RAP1GAP2: variants seen among roughly 807,000 people sequenced by gnomAD.
RAP1GAP2 encodes RAP1 GTPase activating protein 2.
In RAP1GAP2, 27 loss-of-function variants were observed where a neutral mutation model predicts 95.0. The ratio of observed to expected loss-of-function variants is 0.28; its 90% CI spans 0.21 to 0.39. The LOEUF (loss-of-function observed/expected upper bound fraction) is 0.39. Ranked by LOEUF, RAP1GAP2 falls within the 10% of genes least tolerant of loss-of-function variation. The pLI is 1.00. For synonymous variants in RAP1GAP2, 373 were observed against 380.9 expected, an observed-to-expected ratio of 0.98 and a Z score of 0.24; for missense variants, 771 against 970.0, an observed-to-expected ratio of 0.79 and a Z score of 2.72.
chr17:2,878,844 C>T (rs188709809), intron 2 of RAP1GAP2, among the ~76,000 whole-genome samples: 5 of 152,340 alleles, frequency 3.3e-5, no homozygotes, highest in South Asian at 2.1e-4. Context: ...TTGGTAGCTG[C>T]GTGAGCACGC....
chr17:2,996,645 G>A (rs544119942), intron 13 of RAP1GAP2, among the ~76,000 whole-genome samples: 1 of 152,342 alleles, frequency 6.6e-6, no homozygotes, highest in East Asian at 1.9e-4. Flanking sequence ...TCTCTCACCT[G>A]CTGCCCCGGC....
At chr17:2,980,227 G>T (rs1411534413) in intron 8 of RAP1GAP2, 60 bp from the exon 9 acceptor site, 1 of 1,549,472 alleles carries the variant, frequency 6.5e-7, no homozygotes, top group Non-Finnish European at 8.9e-7. Flanking sequence ...ACAGGCACGA[G>T]TCCCCGCGCC....
chr17:2,952,809 GTTT>G (rs146207427), intron 3 of RAP1GAP2, among the ~76,000 whole-genome samples: 4 of 148,856 alleles, frequency 2.7e-5, no homozygotes, highest in Non-Finnish European at 6.0e-5. Flanking sequence ...ACATTTTTCT[GTTT>G]TTTTTTTCTT....
In RAP1GAP2 at chr17:2,762,948, C is replaced by G. The variant is rs1051652828; in HGVS notation, c.50+7181C>G. On this transcript the variant is annotated intron_variant, in intron 1 of 25. Transcript: ENST00000637138. ...ACCTCAGCCTCTGAAAGTACTGGGA[C>G]TACAGGTGTGAGCCACCACACCCAG... Among the ~76,000 whole-genome samples, 12 of 152,074 alleles carry G rather than the reference C, an allele frequency of 7.9e-5. No individual in the cohort carries two copies. In the East Asian group the frequency reaches 2.3e-3, roughly 29 times the overall value.
intron 3 of RAP1GAP2, among the ~76,000 whole-genome samples, chr17:2,923,432 AG>A (rs1048330628): frequency 1.3e-5 from 2 of 151,228 alleles, no homozygotes; most frequent in African/African-American, 4.9e-5. Flanking sequence ...CCCAGGCTCC[AG>A]AGATTCTCCT....
intron 2 of RAP1GAP2, among the ~76,000 whole-genome samples, chr17:2,828,849 C>G (rs879871719): frequency 5.9e-5 from 9 of 152,074 alleles, no homozygotes; most frequent in Non-Finnish European, 8.8e-5. Context: ...CCAGAGGTGA[C>G]TTCCCTCCCG....
intron 2 of RAP1GAP2, among the ~76,000 whole-genome samples, chr17:2,801,099 A>C (rs1160608967): frequency 1.3e-5 from 2 of 150,734 alleles, no homozygotes; most frequent in Admixed American, 1.3e-4. Flanking sequence ...CCGCCCACCT[A>C]GGCCTCCCAA....
At chr17:2,769,860 G>A (rs1463713666) in intron 1 of RAP1GAP2, among the ~76,000 whole-genome samples, 1 of 152,000 alleles carries the variant, frequency 6.6e-6, no homozygotes, top group Non-Finnish European at 1.5e-5. Context: ...ATCACTTGAG[G>A]TCAGGAATTT....
At chr17:3,016,716 T>C (rs2151635959) in intron 17 of RAP1GAP2, among the ~76,000 whole-genome samples, 1 of 146,094 alleles carries the variant, frequency 6.8e-6, no homozygotes, top group East Asian at 1.9e-4. Context: ...ATCAGATCAT[T>C]ACGATGTGCT....
chr17:2,947,441 CCAA>C lies in RAP1GAP2; in HGVS notation c.166-10314_166-10312del, dbSNP rs1333460417. ...CCGTCCAGCCCTGACTCTAGCCATC[CCAA>C]CAAGCCCGCCCTGGCCACTCCCAGG... On this transcript the variant is annotated intron_variant, in intron 3 of 24. Transcript: ENST00000254695. Among the ~76,000 whole-genome samples the C allele has an allele frequency of 2.0e-5, 3 of 152,204 alleles. No homozygotes were observed. In the East Asian group the frequency reaches 5.8e-4, roughly 29 times the overall value.
At chr17:2,837,272 C>G (rs2071173303) in intron 2 of RAP1GAP2, among the ~76,000 whole-genome samples, 1 of 145,632 alleles carries the variant, frequency 6.9e-6, no homozygotes, top group South Asian at 2.2e-4. Context: ...AAAAAAAAAG[C>G]ATGAATTTGA....
intron 17 of RAP1GAP2, among the ~76,000 whole-genome samples, chr17:3,013,769 A>G (rs888144277): frequency 1.3e-5 from 2 of 150,230 alleles, no homozygotes; most frequent in African/African-American, 4.9e-5. Flanking sequence ...TCTGGAGCCC[A>G]GGGTTCTGGG....
At chr17:2,967,401 G>A (rs1363062295) in intron 8 of RAP1GAP2, among the ~76,000 whole-genome samples, 2 of 152,050 alleles carry the variant, frequency 1.3e-5, no homozygotes, top group Non-Finnish European at 2.9e-5. Flanking sequence ...CAACAACGAC[G>A]ACAACAACAA....
intron 1 of RAP1GAP2, among the ~76,000 whole-genome samples, chr17:2,769,947 C>T (rs1157250006): frequency 6.6e-6 from 1 of 151,886 alleles, no homozygotes; most frequent in Non-Finnish European, 1.5e-5. Flanking sequence ...GTGGTGGGCA[C>T]CTGTAATCCC....
chr17:2,951,257 C>T (rs118125700), intron 3 of RAP1GAP2, among the ~76,000 whole-genome samples: 1 of 152,350 alleles, frequency 6.6e-6, no homozygotes, highest in Non-Finnish European at 1.5e-5. Context: ...TCTGTCTTTG[C>T]CCATTCAGTT....
At chr17:2,790,071 G>T (rs1014854180) in intron 1 of RAP1GAP2, among the ~76,000 whole-genome samples, 1 of 151,674 alleles carries the variant, frequency 6.6e-6, no homozygotes, top group African/African-American at 2.4e-5. Flanking sequence ...TGCCCACTGT[G>T]CCCTGTTTCC....
intron 10 of RAP1GAP2, among the ~76,000 whole-genome samples, chr17:2,983,791 C>T (rs543741436): frequency 5.3e-5 from 8 of 152,152 alleles, no homozygotes; most frequent in Admixed American, 2.0e-4. Flanking sequence ...AATTTCAAGT[C>T]TCCACACTGA....
At chr17:2,777,458 C>T (rs541421202) in intron 1 of RAP1GAP2, among the ~76,000 whole-genome samples, 1 of 152,098 alleles carries the variant, frequency 6.6e-6, no homozygotes, top group Non-Finnish European at 1.5e-5. Flanking sequence ...TCTTTGGGAG[C>T]GGGGCCCGAT....
intron 1 of RAP1GAP2, among the ~76,000 whole-genome samples, chr17:2,799,910 G>A (rs1238727160): frequency 6.6e-6 from 1 of 152,120 alleles, no homozygotes; most frequent in African/African-American, 2.4e-5. Context: ...TGGCTGTGAG[G>A]GCAGTCTGCA....
Sources: allele counts gnomAD v4.1 joint callset (sites outside exome capture counted in the v4.1 genomes callset), GRCh38; gene constraint gnomAD v4.1.1; transcripts MANE v1.5; gene names NCBI Gene and HGNC (gene_info 2026-07-23, HGNC 2026-07-21).